DENND3: variants seen among roughly 807,000 people sequenced by gnomAD.
DENND3 encodes the protein DENN domain-containing protein 3.
In DENND3, 88 loss-of-function variants were observed where a neutral mutation model predicts 135.1. The ratio of observed to expected loss-of-function variants is 0.65; its 90% CI spans 0.55 to 0.78. DENND3 has a LOEUF of 0.78. DENND3 is among the 30% of genes least tolerant of loss of function. DENND3 has a pLI of 0.00. For synonymous variants in DENND3, 693 were observed against 712.3 expected, an observed-to-expected ratio of 0.97 and a Z score of 0.43; for missense variants, 1,392 against 1,688.4, an observed-to-expected ratio of 0.82 and a Z score of 3.08.
chr8:141,189,206 A>T (rs1446794624), intron 19 of DENND3, 60 bp downstream of exon 19: 2 of 1,609,690 alleles, frequency 1.2e-6, no homozygotes, highest in Non-Finnish European at 1.7e-6. Flanking sequence ...CAGAAGGCAC[A>T]GCGGGTAGGG....
intron 7 of DENND3, 25 bp downstream of exon 7, chr8:141,151,862 G>A (rs1415736813): frequency 1.2e-6 from 2 of 1,611,602 alleles, no homozygotes; most frequent in Non-Finnish European, 1.7e-6. Flanking sequence ...CTTTGACTTG[G>A]AATGCTAAAT....
rs1467233104 is a variant in DENND3, at chr8:141,145,827, ATATATATATATATATATATATATG to A, written c.735+1572_735+1595del. ...ATTATATATATATATATATATATATATATATATATATATATATATATATGTATTTTTTTTTTTTTGAGGCGGAGT... is the reference window on the plus strand; with the variant it reads ...ATTATATATATATATATATATATATATATTTTTTTTTTTTTGAGGCGGAGT... On this transcript the variant is annotated intron_variant, in intron 5 of 22. Coordinates refer to ENST00000519811, the MANE Select transcript of DENND3 (RefSeq NM_001352890.3). Among the ~76,000 whole-genome samples the A allele has an allele frequency of 2.4e-3, 191 of 81,122 alleles. 10 individuals are homozygous for A. The highest frequency in any genetic ancestry group is 0.016 in the African/African-American group (185 of 11,606). 53.2% of individuals were successfully genotyped at this position (81,122 alleles called of 152,430 possible). A position where few individuals can be genotyped will look rare whatever the true frequency, so the allele number is the denominator to read the frequency against.
intron 19 of DENND3, 64 bp from the exon 20 acceptor site, chr8:141,190,219 TA>T: frequency 6.8e-7 from 1 of 1,465,696 alleles, no homozygotes; most frequent in Non-Finnish European, 9.0e-7. Context: ...TCTCTTGGGT[TA>T]AAATGTGCAC....
chr8:141,170,965 A>C (rs957697064), intron 13 of DENND3, among the ~76,000 whole-genome samples: 1 of 151,616 alleles, frequency 6.6e-6, no homozygotes, highest in Non-Finnish European at 1.5e-5. Flanking sequence ...GTTTCCTCTC[A>C]TTGGGCAGAA....
chr8:141,131,919 G>T (rs1816152795), intron 1 of DENND3, among the ~76,000 whole-genome samples: 1 of 152,072 alleles, frequency 6.6e-6, no homozygotes, highest in Non-Finnish European at 1.5e-5. Context: ...GCCACAACCT[G>T]TATCACCAAG....
intron 22 of DENND3, chr8:141,192,960 G>A (rs1824971076): frequency 6.3e-6 from 8 of 1,279,582 alleles, no homozygotes; most frequent in African/African-American, 1.5e-5. Flanking sequence ...AAACCAAGGT[G>A]TCGGCAGAGC....
At position 141,176,590 on chromosome 8, in the gene DENND3, G is replaced by T. The variant is rs781753699; in HGVS notation, c.2536-1G>T. ...CTAACTTTTCTTTTCTGCCTCTGCA[G>T]GAGGTCAGGAGAACCACTACTACAT... On this transcript the variant is annotated splice_acceptor_variant, in intron 14 of 22. Coordinates refer to ENST00000519811, the MANE Select transcript of DENND3 (RefSeq NM_001352890.3). LOFTEE classifies it high-confidence loss of function. 7.4e-6 allele frequency: 12 copies of T among 1,614,232 alleles called. No individual in the cohort carries two copies. In the South Asian group the frequency reaches 1.2e-4, roughly 16 times the overall value.
rs1825152121 is a variant in DENND3, at chr8:141,194,526, G to C, written c.*293G>C. On this transcript the variant is annotated 3_prime_UTR_variant, in exon 23 of 23. Transcript: ENST00000519811. ...TGCTGGGAGGTTACTTTGTTGCCTA[G>C]AAAGTTCTGGAATCCACAACCAGGG... The C allele has an allele frequency of 2.6e-6, 1 of 390,632 alleles. No individual in the cohort carries two copies. Among genetic ancestry groups the C allele is most frequent in the Non-Finnish European group, 4.7e-6 (1 of 210,812 alleles). The allele number at this position is 390,632 out of a possible 1,614,324, so 24.2% of individuals were successfully genotyped here.
In DENND3 at chr8:141,190,403, G is replaced by C. The variant is rs945922831; in HGVS notation, c.3365G>C (p.Gly1122Ala). 9 of 1,609,140 alleles carry C rather than the reference G, an allele frequency of 5.6e-6. No individual in the cohort carries two copies. The highest frequency in any genetic ancestry group is 7.6e-6 in the Non-Finnish European group (9 of 1,178,842). Reference sequence around the variant, plus strand: ...CTGACGTCCATCAGACTGCACGGCGGCCGCCTGTGGTGCTGTAAGTCCGGC... The same window carrying C: ...CTGACGTCCATCAGACTGCACGGCGCCCGCCTGTGGTGCTGTAAGTCCGGC... ...GGLTSIRLHG[G>A]RLWCCTGNSI... The change falls in exon 20 of 23, where the codon GGC (glycine) becomes GCC (alanine). Residue 1122 changes from glycine to alanine, a missense_variant. Transcript: ENST00000519811.
Position 141,180,746 on chromosome 8 carries a change from G to T in DENND3, c.2837-1G>T. On this transcript the variant is annotated splice_acceptor_variant, in intron 16 of 22. Transcript: ENST00000519811. LOFTEE classifies it high-confidence loss of function. ...AACACTCCAAGTGTCTTGTCTTTCA[G>T]TGCCCATGACGCTTCCGGAGACAAC... 1 of 1,612,056 alleles carries T rather than the reference G, an allele frequency of 6.2e-7. No individual in the cohort carries two copies. Among genetic ancestry groups the T allele is most frequent in the Non-Finnish European group, 8.5e-7 (1 of 1,179,026 alleles).
chr8:141,192,725 C>G, intron 22 of DENND3, 62 bp downstream of exon 22: 4 of 1,608,708 alleles, frequency 2.5e-6, no homozygotes, highest in Non-Finnish European at 3.4e-6. Context: ...CTGGCCGCAT[C>G]CCCATGCTCC....
chr8:141,187,582 G>A (rs3922678), intron 18 of DENND3, among the ~76,000 whole-genome samples: 92,730 of 151,866 alleles, frequency 0.61, 28,612 homozygotes, highest in East Asian at 0.78. Context: ...GGGAAAATCC[G>A]TGGCACAGTA....
chr8:141,130,831 C>T lies in DENND3; in HGVS notation c.102+2022C>T, dbSNP rs755660817. On this transcript the variant is annotated intron_variant, in intron 1 of 22. Coordinates refer to ENST00000519811, the MANE Select transcript of DENND3 (RefSeq NM_001352890.3). This position sits in a 1 kb window ranked among gnomAD's most constrained non-coding sequence, Gnocchi z 4.2. ...CCTCCTAAGTAGCTGGGATTACAGG[C>T]GTGTGCCACCATGCCCAGCTAATTT... Among the ~76,000 whole-genome samples the T allele has an allele frequency of 4.6e-5, 7 of 151,936 alleles. No individual in the cohort carries two copies. The highest frequency in any genetic ancestry group is 1.0e-4 in the Non-Finnish European group (7 of 67,978).
In DENND3 at chr8:141,155,941, C is replaced by T. The variant is rs1475276813; in HGVS notation, c.1167C>T (p.Pro389=). The T allele has an allele frequency of 1.9e-6, 3 of 1,611,986 alleles. No homozygotes were observed. Among genetic ancestry groups the T allele is most frequent in the East Asian group, 2.2e-5 (1 of 44,804 alleles). The change falls in exon 8 of 23, where the codon CCC becomes CCT. Residue 389 remains proline, a synonymous_variant. Coordinates refer to ENST00000519811, the MANE Select transcript of DENND3 (RefSeq NM_001352890.3). ...ATAACGTGGACATTCCTGATGTCCC[C>T]CTCCTGGCAGCCCAGACGTTTATTC... ...TDDNVDIPDV[P]LLAAQTFIQR...
In DENND3 at chr8:141,175,327, T is replaced by G; in HGVS notation, c.2403T>G (p.Cys801Trp). Residue 801 changes from cysteine (C) to tryptophan (W), a missense_variant, in exon 14 of 23, where the codon TGT (cysteine) becomes TGG (tryptophan). Transcript: ENST00000519811. This position sits in a 1 kb window ranked among gnomAD's most constrained non-coding sequence, Gnocchi z 5.4. Reference protein sequence around the residue: ...LVMEHLDKNECVCKLSSSVKT... With the variant: ...LVMEHLDKNEWVCKLSSSVKT... ...TGGAACACCTGGATAAAAACGAGTG[T>G]GTGTGTAAGTTGTCCAGCTCCGTCA... is the stretch of plus-strand genomic sequence containing the variant. 2 of 1,614,114 alleles carry G rather than the reference T, an allele frequency of 1.2e-6. No individual in the cohort carries two copies. The highest frequency in any genetic ancestry group is 1.7e-6 in the Non-Finnish European group (2 of 1,180,020).
rs1818206182 is a variant in DENND3 at position 141,146,821 on chromosome 8, G to A, written c.735+2562G>A. On this transcript the variant is annotated intron_variant, in intron 5 of 22. Coordinates refer to ENST00000519811, the MANE Select transcript of DENND3 (RefSeq NM_001352890.3). This position sits in a 1 kb window ranked among gnomAD's most constrained non-coding sequence, Gnocchi z 4.3. ...GCCGCGTGTTTTATGTGGATAGTTG[G>A]CATTTTCTTGTCAACAGTATGTGCA... is the stretch of plus-strand genomic sequence containing the variant. Among the ~76,000 whole-genome samples the A allele has an allele frequency of 1.3e-5, 2 of 152,112 alleles. No homozygotes were observed. Among genetic ancestry groups the A allele is most frequent in the Non-Finnish European group, 2.9e-5 (2 of 68,014 alleles).
Position 141,154,180 on chromosome 8 carries a change from C to T in DENND3, c.1075-1669C>T, listed in dbSNP as rs1215290456. ...GCCACCTGAACTGCACTCCAAAGGG[C>T]GGGGCCCAGAATGAGAGCCGGGGAG... On this transcript the variant is annotated intron_variant, in intron 7 of 22. Coordinates refer to ENST00000519811, the MANE Select transcript of DENND3 (RefSeq NM_001352890.3). The surrounding 1 kb of genome is among the most constrained non-coding windows in gnomAD (Gnocchi z 4.4). 6.6e-6 allele frequency among the ~76,000 whole-genome samples: 1 copy of T among 152,328 alleles called. No individual in the cohort carries two copies. The highest frequency in any genetic ancestry group is 2.1e-4 in the South Asian group (1 of 4,824).
Position 141,163,401 on chromosome 8 carries a change from C to G in DENND3, c.1421C>G (p.Ala474Gly). The stretch of plus-strand genomic sequence containing the variant: ...AGTGAAGAATTTCTCAAAACCAGGG[C>G]TCCAGGGGACCATCAGTTTTATAAG... ...FNSEEFLKTRAPGDHQFYKQV... is the reference protein window; with the variant it reads ...FNSEEFLKTRGPGDHQFYKQV... Residue 474 changes from alanine to glycine, a missense_variant, in exon 10 of 23, where the codon GCT (alanine) becomes GGT (glycine). Ala to Gly is a moderately conservative substitution (Grantham distance 60). Transcript: ENST00000519811. 6.2e-7 allele frequency: 1 copy of G among 1,612,938 alleles called. No individual in the cohort carries two copies. Among genetic ancestry groups the G allele is most frequent in the South Asian group, 1.1e-5 (1 of 91,014 alleles).
chr8:141,186,890 T>C (rs1252106219), intron 18 of DENND3, among the ~76,000 whole-genome samples: 1 of 152,136 alleles, frequency 6.6e-6, no homozygotes. Flanking sequence ...TGCCCCTCCC[T>C]GCGGATCTGT....
Sources: gnomAD v4.1 joint callset for allele counts (sites outside exome capture counted in the v4.1 genomes callset) on GRCh38, gnomAD v4.1.1 for gene constraint, Gnocchi (gnomAD v3.1) non-coding constraint, MANE v1.5 for transcripts, NCBI Gene and HGNC (gene_info 2026-07-23, HGNC 2026-07-21) for gene names.